The following CDH12 variants were observed in gnomAD, a reference collection of about 807,000 sequenced individuals.
CDH12 encodes cadherin 12.
A neutral mutation model predicts 74.1 loss-of-function variants in CDH12; 41 were observed. That is an observed-to-expected ratio of 0.55 (90% CI 0.43 to 0.72). The LOEUF (loss-of-function observed/expected upper bound fraction) is 0.72. Ranked by LOEUF, CDH12 falls within the 30% of genes least tolerant of loss-of-function variation. The pLI is 0.00. For synonymous variants in CDH12, 399 were observed against 355.0 expected, an observed-to-expected ratio of 1.12 and a Z score of -1.39; for missense variants, 945 against 977.2, an observed-to-expected ratio of 0.97 and a Z score of 0.44.
intron 2 of CDH12, among the ~76,000 whole-genome samples, chr5:22,484,780 A>C (rs1481225044): frequency 6.6e-6 from 1 of 152,232 alleles, no homozygotes; most frequent in Non-Finnish European, 1.5e-5. Flanking sequence ...GCAATTGCTT[A>C]TATTGCACAA....
chr5:22,321,591 A>G (rs1738885612), intron 3 of CDH12, among the ~76,000 whole-genome samples: 1 of 150,422 alleles, frequency 6.6e-6, no homozygotes, highest in African/African-American at 2.5e-5. Context: ...ACATGTATAC[A>G]TATGTAACTA....
intron 1 of CDH12, among the ~76,000 whole-genome samples, chr5:22,743,653 T>C (rs1275358723): frequency 6.6e-6 from 1 of 152,150 alleles, no homozygotes; most frequent in Non-Finnish European, 1.5e-5. Context: ...GAGTTACACA[T>C]GTTAAAATAT....
intron 3 of CDH12, among the ~76,000 whole-genome samples, chr5:22,354,179 A>G (rs35385865): frequency 0.27 from 41,142 of 152,040 alleles, 5,626 homozygotes; most frequent in East Asian, 0.35. Flanking sequence ...AAGCTTCTGG[A>G]AAGTAGGTGG....
At chr5:22,108,317 G>T (rs1744606858) in intron 4 of CDH12, among the ~76,000 whole-genome samples, 1 of 152,170 alleles carries the variant, frequency 6.6e-6, no homozygotes. Flanking sequence ...CCAGCTATGT[G>T]GAACTGTGAG....
At chr5:22,811,477 G>T (rs950876669) in intron 1 of CDH12, among the ~76,000 whole-genome samples, 2 of 152,104 alleles carry the variant, frequency 1.3e-5, no homozygotes, top group African/African-American at 4.8e-5. Context: ...TTTCCTACAG[G>T]TGTGTTACAG....
At chr5:21,921,684 G>C (rs185375162) in intron 6 of CDH12, among the ~76,000 whole-genome samples, 4 of 152,268 alleles carry the variant, frequency 2.6e-5, no homozygotes, top group Admixed American at 2.0e-4. Flanking sequence ...TCTTAGATAT[G>C]ATGGGGAAGA....
At chr5:22,284,636 G>A (rs545973309) in intron 3 of CDH12, among the ~76,000 whole-genome samples, 16 of 152,108 alleles carry the variant, frequency 1.1e-4, no homozygotes, top group Non-Finnish European at 2.2e-4. Flanking sequence ...CCTATTCATG[G>A]AAATTACATT....
chr5:21,980,086 T>C (rs1372750814), intron 5 of CDH12, among the ~76,000 whole-genome samples: 14 of 151,840 alleles, frequency 9.2e-5, no homozygotes, highest in Admixed American at 7.2e-4. Context: ...AAATGTCTTC[T>C]TTTGAGAAGT....
intron 1 of CDH12, among the ~76,000 whole-genome samples, chr5:22,849,906 C>G (rs901623547): frequency 6.6e-6 from 1 of 151,790 alleles, no homozygotes; most frequent in East Asian, 1.9e-4. Context: ...TTAATTTATC[C>G]CTTAATACCA....
intron 1 of CDH12, among the ~76,000 whole-genome samples, chr5:22,648,281 T>C (rs772257059): frequency 6.6e-6 from 1 of 151,876 alleles, no homozygotes; most frequent in South Asian, 2.1e-4. Context: ...CCCACTCTCT[T>C]CTACTATTTC....
chr5:21,807,658 T>C (rs756011819), intron 9 of CDH12, among the ~76,000 whole-genome samples: 6 of 152,096 alleles, frequency 3.9e-5, no homozygotes, highest in African/African-American at 1.2e-4. Flanking sequence ...TGGATAGCTA[T>C]GGTTATAGAT....
At chr5:22,235,545 C>T (rs1752532590) in intron 3 of CDH12, among the ~76,000 whole-genome samples, 1 of 151,070 alleles carries the variant, frequency 6.6e-6, no homozygotes, top group African/African-American at 2.4e-5. Context: ...TGTGCCACTG[C>T]ACTCCAGCCT....
At chr5:21,844,999 G>GTAGGTAGA (rs143176975) in intron 7 of CDH12, among the ~76,000 whole-genome samples, 24 of 149,710 alleles carry the variant, frequency 1.6e-4, no homozygotes, top group African/African-American at 5.4e-4. Context: ...ACTGAGGTAG[G>GTAGGTAGA]TAGATAGATA....
chr5:22,539,965 A>G (rs1738027171), intron 1 of CDH12, among the ~76,000 whole-genome samples: 1 of 152,198 alleles, frequency 6.6e-6, no homozygotes, highest in Non-Finnish European at 1.5e-5. Flanking sequence ...CTCTCTTGGC[A>G]TGGATCTTTC....
intron 1 of CDH12, among the ~76,000 whole-genome samples, chr5:22,535,158 C>T (rs77756344): frequency 0.058 from 4,337 of 74,964 alleles, 176 homozygotes; most frequent in African/African-American, 0.13. Context: ...TTTTTTTTTT[C>T]TTTTTTTTTT....
At chr5:22,493,819 G>A (rs1441713347) in intron 2 of CDH12, among the ~76,000 whole-genome samples, 1 of 152,138 alleles carries the variant, frequency 6.6e-6, no homozygotes, top group African/African-American at 2.4e-5. Context: ...ATGAGACCAT[G>A]GGACCTGGAA....
intron 6 of CDH12, among the ~76,000 whole-genome samples, chr5:21,901,706 T>C (rs1753393561): frequency 6.6e-6 from 1 of 152,106 alleles, no homozygotes; most frequent in Non-Finnish European, 1.5e-5. Flanking sequence ...ACATATGATT[T>C]TCCAACCACT....
chr5:22,165,887 C>A (rs1354478744), intron 4 of CDH12, among the ~76,000 whole-genome samples: 1 of 152,126 alleles, frequency 6.6e-6, no homozygotes, highest in East Asian at 1.9e-4. Flanking sequence ...AGGAAGTTAC[C>A]CTATATGGTC....
At chr5:22,711,207 T>C (rs1743270278) in intron 1 of CDH12, among the ~76,000 whole-genome samples, 1 of 152,136 alleles carries the variant, frequency 6.6e-6, no homozygotes, top group South Asian at 2.1e-4. Context: ...CATAGCATCA[T>C]ATGCAATACA....
Sources: gnomAD v4.1 joint callset for allele counts (sites outside exome capture counted in the v4.1 genomes callset) on GRCh38, gnomAD v4.1.1 for gene constraint, MANE v1.5 for transcripts, NCBI Gene and HGNC (gene_info 2026-07-23, HGNC 2026-07-21) for gene names.